Variants in BCL11A observed in about 807,000 individuals in gnomAD.
BCL11A encodes the protein B cell CLL/lymphoma 11A.
In BCL11A, 2 loss-of-function variants were observed where a neutral mutation model predicts 55.9. The observed-to-expected ratio is 0.04, with a 90% CI of 0.01 to 0.11. The LOEUF (loss-of-function observed/expected upper bound fraction) is 0.11, where lower values mean the gene tolerates loss of function less well. Ranked by LOEUF, BCL11A falls within the 10% of genes least tolerant of loss-of-function variation. The pLI, the probability that BCL11A is intolerant of heterozygous loss-of-function variation, is 1.00. For missense variants in BCL11A, 817 were observed against 1,137.1 expected (o/e 0.72, Z 4.05); for synonymous variants, 465 against 473.4 (o/e 0.98, Z 0.23).
At chr2:60,545,914 A>C in intron 2 of BCL11A, 57 bp downstream of exon 2, 1 of 1,486,972 alleles carries the variant, frequency 6.7e-7, no homozygotes, top group Non-Finnish European at 9.2e-7. Context: ...TGGCTACAGC[A>C]CCTCTGAAAA....
At chr2:60,528,295 G>A (rs116155062) in intron 2 of BCL11A, 2,179 of 152,340 alleles carry the variant, frequency 0.014, 29 homozygotes, top group South Asian at 0.031. Flanking sequence ...TTAAAAGTCC[G>A]AGCTTAGTTT....
chr2:60,512,188 G>A (rs1680024670), intron 2 of BCL11A, among the ~76,000 whole-genome samples: 2 of 152,164 alleles, frequency 1.3e-5, no homozygotes, highest in Admixed American at 1.3e-4. Flanking sequence ...AGTCAGAGAG[G>A]AAGCCTGCTT....
intron 2 of BCL11A, among the ~76,000 whole-genome samples, chr2:60,529,025 C>A (rs1309510511): frequency 6.6e-6 from 1 of 152,174 alleles, no homozygotes; most frequent in Non-Finnish European, 1.5e-5. Context: ...CCCAGGCAGG[C>A]ACAAGCCTCT....
At chr2:60,451,222 T>C (rs144652482) in exon 5 of BCL11A, 46 of 218,734 alleles carry the variant, frequency 2.1e-4, no homozygotes, top group Non-Finnish European at 7.3e-5. Context: ...GCCAATTATT[T>C]GGCTATCTTT....
chr2:60,464,109 G>A (rs1186553577), intron 3 of BCL11A, among the ~76,000 whole-genome samples: 2 of 152,144 alleles, frequency 1.3e-5, no homozygotes, highest in African/African-American at 4.8e-5. Flanking sequence ...CTCCTGCCCT[G>A]ACCTTGTAAT....
intron 3 of BCL11A, among the ~76,000 whole-genome samples, chr2:60,468,121 TGTG>T (rs1316561163): frequency 3.3e-5 from 2 of 60,302 alleles, no homozygotes; most frequent in East Asian, 6.0e-4. Flanking sequence ...CAGTGGTGGT[TGTG>T]GTGGTGGTGG....
At chr2:60,514,181 G>C (rs1668620519) in intron 2 of BCL11A, among the ~76,000 whole-genome samples, 2 of 152,286 alleles carry the variant, frequency 1.3e-5, no homozygotes, top group African/African-American at 4.8e-5. Context: ...AGGCTTCCAG[G>C]CTGGGCTACC....
intron 1 of BCL11A, among the ~76,000 whole-genome samples, chr2:60,551,174 G>C (rs1442263164): frequency 1.3e-5 from 2 of 152,334 alleles, no homozygotes; most frequent in Admixed American, 1.3e-4. Flanking sequence ...ATTGAGTAGG[G>C]GGGGAATGTG....
chr2:60,553,322 G>A lies in BCL11A; in HGVS notation c.-52C>T. The A allele has an allele frequency of 6.6e-7, 1 of 1,510,548 alleles. No homozygotes were observed. The highest frequency in any genetic ancestry group is 1.2e-5 in the South Asian group (1 of 80,384). 93.6% of individuals were successfully genotyped at this position (1,510,548 alleles called of 1,614,324 possible). On this transcript the variant is annotated 5_prime_UTR_variant, in exon 1 of 4. Transcript: ENST00000642384. ...GCGGCGGCGGCGGCGGCGGGCGGAC[G>A]ACGGCTCGGTTCACATCGGGAGAGC...
intron 3 of BCL11A, among the ~76,000 whole-genome samples, chr2:60,467,312 G>A (rs1676759696): frequency 1.1e-5 from 1 of 92,508 alleles, no homozygotes; most frequent in Non-Finnish European, 2.1e-5. Flanking sequence ...GGTGGTGGTG[G>A]TGATGGTGGT....
At position 60,457,668 on chromosome 2, in the gene BCL11A, TG is replaced by T. The variant is rs1405887243; in HGVS notation, c.*2735del. On this transcript the variant is annotated 3_prime_UTR_variant, in exon 4 of 4. Transcript: ENST00000642384. ...GGCAATGAAAAAAACTGCAAAACAT[TG>T]GTTTTTTTTTTTTTTTCCTTTTTTT... The T allele has an allele frequency of 1.7e-5, 18 of 1,029,934 alleles. No homozygotes were observed. The highest frequency in any genetic ancestry group is 2.0e-5 in the Non-Finnish European group (17 of 856,488). 63.8% of individuals were successfully genotyped at this position (1,029,934 alleles called of 1,614,324 possible). A position where few individuals can be genotyped will look rare whatever the true frequency, so the allele number is the denominator to read the frequency against.
At chr2:60,453,627 G>A (rs913643094), downstream of BCL11A, among the ~76,000 whole-genome samples, 7 of 152,220 alleles carry the variant, frequency 4.6e-5, no homozygotes, top group Non-Finnish European at 1.0e-4. Flanking sequence ...AGTCACTGTC[G>A]TCGAGGCCCC....
chr2:60,479,184 A>G (rs1677805854), intron 2 of BCL11A, among the ~76,000 whole-genome samples: 1 of 152,042 alleles, frequency 6.6e-6, no homozygotes, highest in Admixed American at 6.5e-5. Flanking sequence ...GTAACATCCA[A>G]TGTTCCCAGA....
Position 60,458,757 on chromosome 2 carries a change from C to T in BCL11A, c.*1647G>A, listed in dbSNP as rs1403145627. 4 of 1,032,960 alleles carry T rather than the reference C, an allele frequency of 3.9e-6. No homozygotes were observed. The highest frequency in any genetic ancestry group is 4.7e-6 in the Non-Finnish European group (4 of 858,028). 64.0% of individuals were successfully genotyped at this position (1,032,960 alleles called of 1,614,324 possible). A position where few individuals can be genotyped will look rare whatever the true frequency, so the allele number is the denominator to read the frequency against. On this transcript the variant is annotated 3_prime_UTR_variant, in exon 4 of 4. Coordinates refer to ENST00000642384, the MANE Select transcript of BCL11A (RefSeq NM_022893.4). ...CCTATCTGAGCAGGTTTATTTTATA[C>T]TCAACCTCTGTATCTCTGATTAGAG...
intron 2 of BCL11A, 148 bp downstream of exon 2, chr2:60,545,823 A>T (rs1469497653): frequency 1.4e-6 from 1 of 693,680 alleles, no homozygotes; most frequent in Non-Finnish European, 2.5e-6. Context: ...AAGCAACAGA[A>T]ATGATTATTT....
rs2104801368 is a variant in BCL11A at position 60,553,256 on chromosome 2, C to T, written c.15G>A (p.Lys5=). Reference sequence around the variant, plus strand: ...TGCTTAAGTGCTGGGGTTTGCCTTGCTTGCGGCGAGACATGGTGGGCTGCG... The same window carrying T: ...TGCTTAAGTGCTGGGGTTTGCCTTGTTTGCGGCGAGACATGGTGGGCTGCG... MSRR[K]QGKPQHLSKR... The change falls in exon 1 of 4, where the codon AAG becomes AAA. Residue 5 remains lysine, a synonymous_variant. Coordinates refer to ENST00000642384, the MANE Select transcript of BCL11A (RefSeq NM_022893.4). 2 of 1,590,464 alleles carry T rather than the reference C, an allele frequency of 1.3e-6. No homozygotes were observed. Among genetic ancestry groups the T allele is most frequent in the Non-Finnish European group, 1.7e-6 (2 of 1,172,798 alleles).
intron 3 of BCL11A, among the ~76,000 whole-genome samples, chr2:60,467,147 A>ATGG (rs200378268): frequency 4.0e-4 from 18 of 45,098 alleles, no homozygotes; most frequent in Middle Eastern, 0.025. Context: ...GTTGGTGGTG[A>ATGG]TGGTGGTGGT....
At chr2:60,552,942 G>A (rs568345383) in intron 1 of BCL11A, among the ~76,000 whole-genome samples, 1 of 151,894 alleles carries the variant, frequency 6.6e-6, no homozygotes, top group Non-Finnish European at 1.5e-5. Flanking sequence ...GAAATAAAGC[G>A]GCGGAAAGGA....
At chr2:60,503,765 G>A (rs1209663170) in intron 2 of BCL11A, among the ~76,000 whole-genome samples, 1 of 152,140 alleles carries the variant, frequency 6.6e-6, no homozygotes, top group African/African-American at 2.4e-5. Flanking sequence ...GAAGATTTAG[G>A]AGCCAAGATG....
Sources: allele counts gnomAD v4.1 joint callset (sites outside exome capture counted in the v4.1 genomes callset), GRCh38; gene constraint gnomAD v4.1.1; transcripts MANE v1.5; gene names NCBI Gene and HGNC (gene_info 2026-07-23, HGNC 2026-07-21).